DOCK1: variants seen among roughly 807,000 people sequenced by gnomAD.
DOCK1 encodes dedicator of cytokinesis 1, also known as dedicator of cytokinesis protein 1.
Under a neutral mutation model 262.7 loss-of-function variants are expected in DOCK1, and 138 were observed. The observed-to-expected ratio is 0.53, with a 90% confidence interval of 0.46 to 0.61. The LOEUF (loss-of-function observed/expected upper bound fraction) is 0.61, where lower values mean the gene tolerates loss of function less well. Among genes scored for constraint, DOCK1 ranks in the 20% least tolerant of loss-of-function variants. The pLI is 0.00. For missense variants in DOCK1, 1,908 were observed against 2,370.7 expected, an observed-to-expected ratio of 0.80 and a Z score of 4.05; for synonymous variants, 866 against 867.4, an observed-to-expected ratio of 1.00 and a Z score of 0.03.
intron 31 of DOCK1, among the ~76,000 whole-genome samples, chr10:127,347,655 C>G (rs906442078): frequency 6.7e-6 from 1 of 148,984 alleles, no homozygotes; most frequent in Non-Finnish European, 1.5e-5. Context: ...CTTGGAGCCC[C>G]GTGGAGCTTG....
At chr10:127,375,191 G>A (rs531800895) in intron 35 of DOCK1, among the ~76,000 whole-genome samples, 1 of 152,138 alleles carries the variant, frequency 6.6e-6, no homozygotes, top group Non-Finnish European at 1.5e-5. Flanking sequence ...CTCAGATCCC[G>A]GCCAGCCTCA....
chr10:126,947,377 GTGA>G (rs2035535278), intron 1 of DOCK1, among the ~76,000 whole-genome samples: 6 of 143,634 alleles, frequency 4.2e-5, no homozygotes, highest in East Asian at 2.4e-4. Context: ...ACTGTTGGTG[GTGA>G]TGGTGGTAGT....
intron 23 of DOCK1, among the ~76,000 whole-genome samples, chr10:127,091,632 A>G (rs568957531): frequency 3.9e-5 from 6 of 152,378 alleles, no homozygotes; most frequent in African/African-American, 1.4e-4. Flanking sequence ...GCTTGAGGTC[A>G]GAATCACAGG....
intron 27 of DOCK1, among the ~76,000 whole-genome samples, chr10:127,220,987 T>TCACA: frequency 6.6e-6 from 1 of 152,322 alleles, no homozygotes; most frequent in East Asian, 1.9e-4. Context: ...AACTGTGCAC[T>TCACA]CACCAGTTTA....
intron 27 of DOCK1, among the ~76,000 whole-genome samples, chr10:127,156,458 C>T (rs894568909): frequency 2.0e-5 from 3 of 152,084 alleles, no homozygotes; most frequent in Non-Finnish European, 2.9e-5. Context: ...AGGAATCTTC[C>T]AGGACCTTGG....
chr10:127,128,336 A>ATTT (rs59508487), intron 27 of DOCK1, among the ~76,000 whole-genome samples: 10 of 137,346 alleles, frequency 7.3e-5, no homozygotes. Context: ...ATCTCGTTTA[A>ATTT]TTTTTTTTTT....
intron 8 of DOCK1, among the ~76,000 whole-genome samples, chr10:126,999,041 G>A (rs1037202560): frequency 1.3e-5 from 2 of 151,962 alleles, no homozygotes; most frequent in African/African-American, 4.8e-5. Flanking sequence ...AACATGCATT[G>A]TGCTGAATTT....
At chr10:126,975,852 C>G (rs1396459756) in intron 2 of DOCK1, among the ~76,000 whole-genome samples, 1 of 151,870 alleles carries the variant, frequency 6.6e-6, no homozygotes, top group Non-Finnish European at 1.5e-5. Flanking sequence ...CTCCAGACCT[C>G]AAGTTATCTG....
At chr10:126,933,546 C>T (rs2034337279) in intron 1 of DOCK1, among the ~76,000 whole-genome samples, 1 of 152,116 alleles carries the variant, frequency 6.6e-6, no homozygotes, top group South Asian at 2.1e-4. Context: ...GTTCCCTGTC[C>T]TGCCTGCTGG....
chr10:127,295,398 A>G (rs531262778), intron 29 of DOCK1, among the ~76,000 whole-genome samples: 1 of 152,260 alleles, frequency 6.6e-6, no homozygotes, highest in South Asian at 2.1e-4. Context: ...CAAGTTATTC[A>G]TAAGGTATCC....
At chr10:127,398,575 G>T (rs75274001) in intron 38 of DOCK1, among the ~76,000 whole-genome samples, 2 of 152,332 alleles carry the variant, frequency 1.3e-5, no homozygotes, top group South Asian at 2.1e-4. Context: ...AGAGACCTGT[G>T]TGGGACTCTG....
intron 47 of DOCK1, among the ~76,000 whole-genome samples, chr10:127,426,412 C>T (rs533271237): frequency 9.2e-5 from 14 of 152,314 alleles, no homozygotes; most frequent in African/African-American, 3.1e-4. Flanking sequence ...GCACTCACGA[C>T]GGCCCATGGC....
intron 1 of DOCK1, among the ~76,000 whole-genome samples, chr10:126,967,560 G>A (rs2037763863): frequency 6.6e-6 from 1 of 151,934 alleles, no homozygotes. Flanking sequence ...GCTAAGATAC[G>A]AGATTCAGCG....
chr10:127,422,076 A>G (rs1422319451), intron 46 of DOCK1, among the ~76,000 whole-genome samples: 1 of 151,626 alleles, frequency 6.6e-6, no homozygotes, highest in East Asian at 1.9e-4. Context: ...CTACGGTCAC[A>G]GCACCATTTG....
At chr10:127,421,755 TAGC>T (rs1391407733) in intron 46 of DOCK1, among the ~76,000 whole-genome samples, 5 of 152,368 alleles carry the variant, frequency 3.3e-5, no homozygotes, top group East Asian at 3.9e-4. Flanking sequence ...TTGTTTCTCT[TAGC>T]AGAATGTCTT....
intron 29 of DOCK1, among the ~76,000 whole-genome samples, chr10:127,290,016 T>A (rs1408420497): frequency 1.3e-5 from 2 of 152,136 alleles, no homozygotes; most frequent in Non-Finnish European, 2.9e-5. Flanking sequence ...TCTCTGTTTC[T>A]GTTATGGAGT....
intron 51 of DOCK1, among the ~76,000 whole-genome samples, chr10:127,450,549 C>T (rs1254313466): frequency 2.0e-5 from 3 of 152,092 alleles, no homozygotes; most frequent in Non-Finnish European, 2.9e-5. Context: ...TTTTTCTATT[C>T]GATTGACCCA....
intron 27 of DOCK1, among the ~76,000 whole-genome samples, chr10:127,182,304 C>A (rs781541987): frequency 3.3e-5 from 5 of 152,160 alleles, no homozygotes; most frequent in Admixed American, 3.3e-4. Flanking sequence ...ACACTCTTAA[C>A]GAACAAAAAA....
intron 31 of DOCK1, among the ~76,000 whole-genome samples, chr10:127,351,831 C>G (rs1385231573): frequency 6.6e-6 from 1 of 152,078 alleles, no homozygotes; most frequent in Non-Finnish European, 1.5e-5. Context: ...TCAAAGCTCC[C>G]TTCTTATTAA....
Sources: gnomAD v4.1 joint callset for allele counts (sites outside exome capture counted in the v4.1 genomes callset) on GRCh38, gnomAD v4.1.1 for gene constraint, MANE v1.5 for transcripts, NCBI Gene and HGNC (gene_info 2026-07-23, HGNC 2026-07-21) for gene names.